LRP1B: variants seen among roughly 807,000 people sequenced by gnomAD.
LRP1B encodes low-density lipoprotein receptor-related protein 1B.
In LRP1B, 217 loss-of-function variants were observed where a neutral mutation model predicts 556.6. That is an observed-to-expected ratio of 0.39 (90% confidence interval 0.35 to 0.44). LRP1B has a LOEUF of 0.44. Among genes scored for constraint, LRP1B ranks in the 20% least tolerant of loss-of-function variants. The pLI, the probability that LRP1B is intolerant of heterozygous loss-of-function variation, is 1.00. For synonymous variants in LRP1B, 2,047 were observed against 1,865.8 expected (o/e 1.10, Z -2.50); for missense variants, 5,053 against 5,620.8 (o/e 0.90, Z 3.23).
chr2:141,184,903 A>T (rs112320459), intron 7 of LRP1B, among the ~76,000 whole-genome samples: 13 of 151,524 alleles, frequency 8.6e-5, no homozygotes, highest in African/African-American at 2.9e-4. Flanking sequence ...TTTTCTCAAC[A>T]CTTTATTATA....
At chr2:141,571,077 C>T (rs1034770624) in intron 2 of LRP1B, among the ~76,000 whole-genome samples, 1 of 151,246 alleles carries the variant, frequency 6.6e-6, no homozygotes, top group African/African-American at 2.4e-5. Flanking sequence ...TTAAACGGGT[C>T]CTGTGCCCTG....
In LRP1B at chr2:141,715,567, C is replaced by T. The variant is rs147719790; in HGVS notation, c.205+94712G>A. Among the ~76,000 whole-genome samples the T allele has an allele frequency of 5.9e-3, 903 of 152,234 alleles. 11 individuals are homozygous for T. Among genetic ancestry groups the T allele is most frequent in the African/African-American group, 0.02 (851 of 41,520 alleles). On this transcript the variant is annotated intron_variant, in intron 2 of 90. Coordinates refer to ENST00000389484, the MANE Select transcript of LRP1B (RefSeq NM_018557.3). Reference sequence around the variant, plus strand: ...TGGTGGCTCACACCTGTAATCCCAGCGCTTTGGGAGGCTGAGGCAGCCGGA... The same window carrying T: ...TGGTGGCTCACACCTGTAATCCCAGTGCTTTGGGAGGCTGAGGCAGCCGGA...
intron 72 of LRP1B, 114 bp downstream of exon 72, chr2:140,364,547 T>C: frequency 1.6e-6 from 2 of 1,223,508 alleles, no homozygotes; most frequent in Non-Finnish European, 2.3e-6. Flanking sequence ...ATACTTTATC[T>C]ACCTAACCCC....
intron 2 of LRP1B, among the ~76,000 whole-genome samples, chr2:141,480,919 TC>T (rs752391357): frequency 6.6e-6 from 1 of 152,164 alleles, no homozygotes; most frequent in Non-Finnish European, 1.5e-5. Flanking sequence ...ATAATGGTTC[TC>T]CGCAGATCTC....
At chr2:141,342,720 A>G (rs1688117626) in intron 3 of LRP1B, among the ~76,000 whole-genome samples, 1 of 152,182 alleles carries the variant, frequency 6.6e-6, no homozygotes, top group Non-Finnish European at 1.5e-5. Flanking sequence ...ATATGGGACT[A>G]TGTGAAAAGA....
At chr2:140,732,975 GAT>G (rs1385038857) in intron 35 of LRP1B, among the ~76,000 whole-genome samples, 1 of 152,072 alleles carries the variant, frequency 6.6e-6, no homozygotes, top group Non-Finnish European at 1.5e-5. Context: ...TCAAAGTAGA[GAT>G]ATAACAATTC....
intron 1 of LRP1B, among the ~76,000 whole-genome samples, chr2:142,039,489 A>G (rs941964235): frequency 3.3e-5 from 5 of 151,438 alleles, no homozygotes; most frequent in African/African-American, 1.2e-4. Context: ...AAAAAAACAG[A>G]ATAGATCCTA....
intron 86 of LRP1B, among the ~76,000 whole-genome samples, chr2:140,254,645 C>T (rs1681598986): frequency 6.6e-6 from 1 of 152,086 alleles, no homozygotes; most frequent in Non-Finnish European, 1.5e-5. Context: ...CCTCCACCTT[C>T]TGGGTTCAAG....
At chr2:140,528,840 A>T (rs1690555597) in intron 47 of LRP1B, among the ~76,000 whole-genome samples, 1 of 151,806 alleles carries the variant, frequency 6.6e-6, no homozygotes, top group Non-Finnish European at 1.5e-5. Flanking sequence ...TCTTGCCAAA[A>T]CCTCTTTCTC....
chr2:140,424,972 T>G (rs966059632), intron 66 of LRP1B, among the ~76,000 whole-genome samples: 1 of 152,192 alleles, frequency 6.6e-6, no homozygotes, highest in Admixed American at 6.5e-5. Flanking sequence ...TTGCTTATTT[T>G]ATTGTATTTA....
intron 4 of LRP1B, among the ~76,000 whole-genome samples, 188 bp downstream of exon 4, chr2:141,254,334 A>G (rs768605120): frequency 2.0e-5 from 3 of 152,110 alleles, no homozygotes; most frequent in Non-Finnish European, 4.4e-5. Flanking sequence ...AAAAAAATTG[A>G]AATTTGAGAG....
At chr2:142,101,941 T>C (rs180889113) in intron 1 of LRP1B, among the ~76,000 whole-genome samples, 1 of 151,932 alleles carries the variant, frequency 6.6e-6, no homozygotes, top group Non-Finnish European at 1.5e-5. Flanking sequence ...TCTGAGATAG[T>C]ATGGAGAGAG....
intron 14 of LRP1B, among the ~76,000 whole-genome samples, chr2:141,009,406 T>C (rs1697675454): frequency 6.6e-6 from 1 of 151,946 alleles, no homozygotes; most frequent in Non-Finnish European, 1.5e-5. Flanking sequence ...ACTTTTTTTC[T>C]CTTTCAGAAT....
intron 43 of LRP1B, among the ~76,000 whole-genome samples, chr2:140,595,087 A>AATATATCTATATATATATAT (rs1204829412): frequency 1.0e-5 from 1 of 99,676 alleles, no homozygotes; most frequent in Non-Finnish European, 2.1e-5. Flanking sequence ...ATATAAATTG[A>AATATATCTATATATATATAT]ATATATATAT....
intron 29 of LRP1B, among the ~76,000 whole-genome samples, chr2:140,846,341 C>A (rs1234230848): frequency 6.6e-6 from 1 of 152,092 alleles, no homozygotes; most frequent in Non-Finnish European, 1.5e-5. Context: ...AATGAAAAGG[C>A]TGGCAAACTA....
intron 7 of LRP1B, among the ~76,000 whole-genome samples, chr2:141,150,804 T>C (rs1203429450): frequency 6.6e-6 from 1 of 151,706 alleles, no homozygotes; most frequent in Non-Finnish European, 1.5e-5. Flanking sequence ...CATTTATTTC[T>C]GGTCCACACA....
chr2:141,118,289 G>A (rs553403764), intron 7 of LRP1B, among the ~76,000 whole-genome samples: 1 of 151,866 alleles, frequency 6.6e-6, no homozygotes, highest in Non-Finnish European at 1.5e-5. Flanking sequence ...GTTTCAGGCA[G>A]TTATATTTAT....
intron 1 of LRP1B, among the ~76,000 whole-genome samples, chr2:142,033,976 C>T (rs919001021): frequency 1.3e-5 from 2 of 151,762 alleles, no homozygotes; most frequent in Admixed American, 6.6e-5. Context: ...ACATGAAGCT[C>T]ATTGTGTTTG....
intron 35 of LRP1B, among the ~76,000 whole-genome samples, chr2:140,737,641 C>T (rs558989542): frequency 6.6e-6 from 1 of 152,290 alleles, no homozygotes; most frequent in East Asian, 1.9e-4. Flanking sequence ...ATCCCCACTA[C>T]CACCACTATT....
Sources: gnomAD v4.1 joint callset for allele counts (sites outside exome capture counted in the v4.1 genomes callset) on GRCh38, gnomAD v4.1.1 for gene constraint, MANE v1.5 for transcripts, NCBI Gene and HGNC (gene_info 2026-07-23, HGNC 2026-07-21) for gene names.